Variants in GAS2 observed in about 807,000 individuals in gnomAD.
GAS2 encodes growth arrest-specific protein 2.
Under a neutral mutation model 37.5 loss-of-function variants are expected in GAS2, and 20 were observed. That is an observed-to-expected ratio of 0.53 (90% CI 0.37 to 0.77). The LOEUF is 0.77. GAS2 is among the 30% of genes least tolerant of loss of function. The probability of loss-of-function intolerance (pLI) is 0.00; values close to 1 mark genes in which losing one functional copy is unlikely to be tolerated. For synonymous variants in GAS2, 144 were observed against 132.2 expected, an observed-to-expected ratio of 1.09 and a Z score of -0.61; for missense variants, 336 against 373.4, an observed-to-expected ratio of 0.90 and a Z score of 0.82.
intron 1 of GAS2, among the ~76,000 whole-genome samples, chr11:22,628,848 A>G (rs920033804): frequency 6.6e-6 from 1 of 152,150 alleles, no homozygotes; most frequent in East Asian, 1.9e-4. Context: ...TTGCATACCC[A>G]TAGCTTAGCT....
At chr11:22,786,415 C>T (rs1189410947) in intron 7 of GAS2, among the ~76,000 whole-genome samples, 1 of 152,096 alleles carries the variant, frequency 6.6e-6, no homozygotes, top group East Asian at 1.9e-4. Flanking sequence ...CTCCTATGTC[C>T]ATTAATCTAC....
At chr11:22,721,400 T>C (rs1372816984) in intron 3 of GAS2, among the ~76,000 whole-genome samples, 1 of 152,030 alleles carries the variant, frequency 6.6e-6, no homozygotes, top group Admixed American at 6.6e-5. Context: ...GCAGCATATA[T>C]GTACAATTTT....
At chr11:22,784,243 A>G (rs1855717966) in intron 7 of GAS2, among the ~76,000 whole-genome samples, 1 of 152,116 alleles carries the variant, frequency 6.6e-6, no homozygotes, top group African/African-American at 2.4e-5. Context: ...TGAAGTCAAG[A>G]CTCAACTGAT....
At chr11:22,766,838 T>G in intron 7 of GAS2, among the ~76,000 whole-genome samples, 1 of 152,180 alleles carries the variant, frequency 6.6e-6, no homozygotes, top group East Asian at 1.9e-4. Flanking sequence ...CAGTTAAGAT[T>G]AAATCCTCTT....
chr11:22,750,162 A>T (rs1402911370), intron 6 of GAS2, among the ~76,000 whole-genome samples: 3 of 152,066 alleles, frequency 2.0e-5, no homozygotes, highest in Non-Finnish European at 4.4e-5. Flanking sequence ...TCTCACATAC[A>T]TGGGGAGAGT....
chr11:22,744,343 G>T lies in GAS2; in HGVS notation c.474-4777G>T, dbSNP rs1006255198. Among the ~76,000 whole-genome samples, 16 of 151,870 alleles carry T rather than the reference G, an allele frequency of 1.1e-4. 1 individual carries two copies. The highest frequency in any genetic ancestry group is 2.4e-4 in the African/African-American group (10 of 41,486). ...TTCCAAAATCTGGCAAAGACACAAT[G>T]AAAAAAGAAAACTACAGGCCAATAT... On this transcript the variant is annotated intron_variant, in intron 5 of 7. Transcript: ENST00000454584.
intron 7 of GAS2, among the ~76,000 whole-genome samples, chr11:22,797,322 C>T (rs1310840010): frequency 6.6e-6 from 1 of 152,026 alleles, no homozygotes; most frequent in Non-Finnish European, 1.5e-5. Flanking sequence ...TCATTTGTCT[C>T]TACAATGAGC....
intron 5 of GAS2, among the ~76,000 whole-genome samples, chr11:22,740,884 A>G (rs967710482): frequency 6.6e-6 from 1 of 152,348 alleles, no homozygotes; most frequent in Non-Finnish European, 1.5e-5. Flanking sequence ...AGAGCTCTCA[A>G]TAATCACAAC....
At chr11:22,773,047 G>T (rs1015753659) in intron 7 of GAS2, among the ~76,000 whole-genome samples, 1 of 152,120 alleles carries the variant, frequency 6.6e-6, no homozygotes, top group African/African-American at 2.4e-5. Context: ...CCAGTAGAGT[G>T]CTAAGAGGTT....
intron 3 of GAS2, among the ~76,000 whole-genome samples, chr11:22,719,290 T>C (rs1851834907): frequency 6.6e-6 from 1 of 152,144 alleles, no homozygotes; most frequent in Admixed American, 6.6e-5. Flanking sequence ...ACTGAAACTG[T>C]ACCCTTGACT....
intron 5 of GAS2, among the ~76,000 whole-genome samples, chr11:22,746,621 G>A (rs918172223): frequency 6.6e-6 from 1 of 152,128 alleles, no homozygotes; most frequent in African/African-American, 2.4e-5. Flanking sequence ...AATACTGCAT[G>A]TTCTCACTTA....
intron 1 of GAS2, among the ~76,000 whole-genome samples, chr11:22,654,459 A>C (rs569338042): frequency 1.3e-5 from 2 of 150,518 alleles, no homozygotes; most frequent in African/African-American, 4.9e-5. Context: ...GCAGTGGTGC[A>C]ATCATGGCTC....
Position 22,680,079 on chromosome 11 carries a change from A to G in GAS2, c.145+5065A>G, listed in dbSNP as rs1849608928. 2.6e-5 allele frequency among the ~76,000 whole-genome samples: 4 copies of G among 152,162 alleles called. No individual in the cohort carries two copies. The South Asian group carries it at 8.3e-4, about 31-fold the overall frequency. ...TTTATTAGGGTTGCTGCTGTCAAAT[A>G]CAGCTACTATCTAATGAGTTTGGAA... On this transcript the variant is annotated intron_variant, in intron 2 of 7. Transcript: ENST00000454584.
At chr11:22,801,729 C>T (rs1366201195) in intron 7 of GAS2, among the ~76,000 whole-genome samples, 1 of 152,110 alleles carries the variant, frequency 6.6e-6, no homozygotes, top group Admixed American at 6.6e-5. Flanking sequence ...TATGTGACCT[C>T]TCAGACTGTG....
chr11:22,741,079 G>A (rs1323812679), intron 5 of GAS2, among the ~76,000 whole-genome samples: 2 of 152,128 alleles, frequency 1.3e-5, no homozygotes, highest in African/African-American at 4.8e-5. Context: ...TTCCCAGTGA[G>A]TTTCTGATTC....
intron 4 of GAS2, among the ~76,000 whole-genome samples, chr11:22,727,299 C>T (rs1419921364): frequency 3.9e-5 from 6 of 151,930 alleles, no homozygotes; most frequent in Non-Finnish European, 8.8e-5. Flanking sequence ...TGCCTGAAGC[C>T]TTAAAAATCA....
chr11:22,812,218 C>G lies in GAS2; in HGVS notation c.*202C>G, dbSNP rs1221605360. On this transcript the variant is annotated 3_prime_UTR_variant, in exon 8 of 8. Transcript: ENST00000454584. ...ATGACCTATTAAAAGAAAATCTAAA[C>G]TCAAATTTAAATTATCCAAATTTTA... 7.9e-6 allele frequency: 4 copies of G among 508,468 alleles called. No homozygotes were observed. Among genetic ancestry groups the G allele is most frequent in the African/African-American group, 7.7e-5 (4 of 52,010 alleles). The allele number at this position is 508,468 out of a possible 1,614,324, so 31.5% of individuals were successfully genotyped here.
At chr11:22,657,185 AC>A (rs1226722891) in intron 1 of GAS2, among the ~76,000 whole-genome samples, 1 of 152,206 alleles carries the variant, frequency 6.6e-6, no homozygotes, top group Admixed American at 6.5e-5. Context: ...GTGGGGTACA[AC>A]ATATTGACAC....
In GAS2 at chr11:22,742,154, G is replaced by A. The variant is rs369967828; in HGVS notation, c.473+4386G>A. 1.7e-3 allele frequency among the ~76,000 whole-genome samples: 258 copies of A among 152,126 alleles called. 1 individual carries two copies. The highest frequency in any genetic ancestry group is 5.8e-3 in the African/African-American group (242 of 41,514). ...GAGACAAAAATATGTTGCCCTTTGA[G>A]TATTCGCCCTACTTTCATTATCACT... On this transcript the variant is annotated intron_variant, in intron 5 of 7. Transcript: ENST00000454584.
Sources: gnomAD v4.1 joint callset for allele counts (sites outside exome capture counted in the v4.1 genomes callset) on GRCh38, gnomAD v4.1.1 for gene constraint, MANE v1.5 for transcripts, NCBI Gene and HGNC (gene_info 2026-07-23, HGNC 2026-07-21) for gene names.